The following FSTL5 variants were observed in gnomAD, a reference collection of about 807,000 sequenced individuals.
FSTL5 encodes the protein follistatin-related protein 5.
In FSTL5, 62 loss-of-function variants were observed where a neutral mutation model predicts 89.1. The observed-to-expected ratio is 0.70, with a 90% CI of 0.57 to 0.86. FSTL5 has a LOEUF of 0.86. Among genes scored for constraint, FSTL5 ranks in the 40% least tolerant of loss-of-function variants. The pLI is 0.00. For synonymous variants in FSTL5, 383 were observed against 346.2 expected (o/e 1.11, Z -1.18); for missense variants, 1,057 against 1,001.6 (o/e 1.06, Z -0.75).
At chr4:161,961,316 T>G (rs891280010) in intron 3 of FSTL5, among the ~76,000 whole-genome samples, 1 of 151,936 alleles carries the variant, frequency 6.6e-6, no homozygotes, top group Admixed American at 6.6e-5. Context: ...CTCCCTAAGT[T>G]GCCCAGGCTG....
chr4:162,122,424 A>G (rs980744274), intron 1 of FSTL5, among the ~76,000 whole-genome samples: 16 of 152,046 alleles, frequency 1.1e-4, no homozygotes, highest in African/African-American at 3.9e-4. Context: ...TCAAACACAA[A>G]CAATATTCTC....
chr4:161,677,963 TTTTA>T (rs775712698), intron 6 of FSTL5, among the ~76,000 whole-genome samples: 22 of 151,906 alleles, frequency 1.4e-4, no homozygotes, highest in South Asian at 4.2e-4. Flanking sequence ...GATATATATA[TTTTA>T]TTTGTCAATT....
At chr4:162,093,292 T>A (rs1349446745) in intron 2 of FSTL5, among the ~76,000 whole-genome samples, 1 of 152,162 alleles carries the variant, frequency 6.6e-6, no homozygotes. Flanking sequence ...TCTCTAATTT[T>A]CAGGAATTTT....
intron 15 of FSTL5, among the ~76,000 whole-genome samples, chr4:161,426,331 T>C (rs989780322): frequency 6.6e-6 from 1 of 152,180 alleles, no homozygotes; most frequent in Non-Finnish European, 1.5e-5. Flanking sequence ...AATGCTTCAA[T>C]AGCTGTAATC....
At chr4:161,949,674 A>G (rs1204167281) in intron 3 of FSTL5, among the ~76,000 whole-genome samples, 3 of 151,062 alleles carry the variant, frequency 2.0e-5, no homozygotes, top group African/African-American at 4.9e-5. Flanking sequence ...TATTTTTTCT[A>G]TATGTTTGTT....
rs144650448 is a variant in FSTL5 at position 161,463,395 on chromosome 4, A to G, written c.1609-4076T>C. 6.9e-3 allele frequency among the ~76,000 whole-genome samples: 1,049 copies of G among 152,314 alleles called. 15 individuals carry two copies. Among genetic ancestry groups the G allele is most frequent in the African/African-American group, 0.022 (903 of 41,584 alleles). On this transcript the variant is annotated intron_variant, in intron 13 of 15. Coordinates refer to ENST00000306100, the MANE Select transcript of FSTL5 (RefSeq NM_020116.5). ...TTGTAATTTTCAAGAAAATTTATTT[A>G]TAAGTTTTCATGTATAAAATAACAC...
At chr4:161,510,967 T>C (rs1303287850) in intron 10 of FSTL5, among the ~76,000 whole-genome samples, 2 of 152,062 alleles carry the variant, frequency 1.3e-5, no homozygotes, top group Non-Finnish European at 2.9e-5. Context: ...AGAAAATAGA[T>C]CTAAGTATAC....
chr4:161,863,944 G>C (rs12186181), intron 4 of FSTL5, among the ~76,000 whole-genome samples: 7,098 of 152,214 alleles, frequency 0.047, 208 homozygotes, highest in Non-Finnish European at 0.07. Flanking sequence ...AATGGTGCTT[G>C]TTTGTTCTTG....
At chr4:161,769,119 T>C (rs1436549112) in intron 5 of FSTL5, among the ~76,000 whole-genome samples, 3 of 151,980 alleles carry the variant, frequency 2.0e-5, no homozygotes, top group Admixed American at 1.3e-4. Context: ...TAGACACATG[T>C]AACCTACCAA....
chr4:161,721,324 A>C (rs1020451797), intron 6 of FSTL5, among the ~76,000 whole-genome samples: 2 of 149,888 alleles, frequency 1.3e-5, no homozygotes, highest in Non-Finnish European at 3.0e-5. Context: ...CTAAGAAGGT[A>C]GATCTTATGT....
intron 8 of FSTL5, among the ~76,000 whole-genome samples, chr4:161,576,929 GGTAGACCACAAATA>G (rs1733229159): frequency 1.3e-5 from 2 of 152,096 alleles, no homozygotes; most frequent in Admixed American, 6.6e-5. Flanking sequence ...AAATTTATGT[GGTAGACCACAAATA>G]GTCTTTTCTC....
intron 13 of FSTL5, among the ~76,000 whole-genome samples, chr4:161,464,034 T>C (rs148890485): frequency 9.6e-4 from 146 of 152,300 alleles, no homozygotes; most frequent in Admixed American, 2.0e-3. Flanking sequence ...GTCATGACAG[T>C]AATCAGCTCC....
At chr4:161,524,386 CACA>C (rs1053857068) in intron 10 of FSTL5, among the ~76,000 whole-genome samples, 1 of 152,102 alleles carries the variant, frequency 6.6e-6, no homozygotes, top group Non-Finnish European at 1.5e-5. Context: ...CCACCCGGGG[CACA>C]TCTTCTCATG....
At chr4:162,106,404 T>C (rs1477209557) in intron 2 of FSTL5, among the ~76,000 whole-genome samples, 1 of 152,156 alleles carries the variant, frequency 6.6e-6, no homozygotes, top group African/African-American at 2.4e-5. Context: ...CAGCAAACAA[T>C]GTAGCAGTGT....
At chr4:162,102,589 GAT>G (rs1405676463) in intron 2 of FSTL5, among the ~76,000 whole-genome samples, 2 of 142,986 alleles carry the variant, frequency 1.4e-5, no homozygotes, top group African/African-American at 5.1e-5. Flanking sequence ...ATATAAAATA[GAT>G]ATATATTTAA....
At chr4:161,457,236 C>T (rs1284161790) in intron 14 of FSTL5, among the ~76,000 whole-genome samples, 1 of 152,206 alleles carries the variant, frequency 6.6e-6, no homozygotes, top group Non-Finnish European at 1.5e-5. Flanking sequence ...AACATACACA[C>T]ATATAAACCT....
At chr4:161,697,467 C>G (rs750386181) in intron 6 of FSTL5, among the ~76,000 whole-genome samples, 32 of 152,076 alleles carry the variant, frequency 2.1e-4, no homozygotes, top group Non-Finnish European at 2.9e-4. Flanking sequence ...TTGACAAACA[C>G]AATTGTATAT....
At chr4:162,029,156 AGAGAGAGAGAGT>A (rs1342149413) in intron 3 of FSTL5, among the ~76,000 whole-genome samples, 4 of 108,942 alleles carry the variant, frequency 3.7e-5, no homozygotes, top group Admixed American at 9.6e-5. Context: ...GGAGAGAGAG[AGAGAGAGAGAGT>A]GTGTGTGTGT....
chr4:161,936,219 A>G (rs949766893), intron 3 of FSTL5, among the ~76,000 whole-genome samples: 5 of 152,192 alleles, frequency 3.3e-5, no homozygotes, highest in South Asian at 2.1e-4. Flanking sequence ...TTGTAGGAAT[A>G]AAGAAAGCAA....
Sources: gnomAD v4.1 joint callset for allele counts (sites outside exome capture counted in the v4.1 genomes callset) on GRCh38, gnomAD v4.1.1 for gene constraint, MANE v1.5 for transcripts, NCBI Gene and HGNC (gene_info 2026-07-23, HGNC 2026-07-21) for gene names.